The following ZBTB22 variants were observed in gnomAD, a reference collection of about 807,000 sequenced individuals.
ZBTB22 encodes the protein zinc finger and BTB domain containing 22.
For missense variants in ZBTB22, 668 were observed against 834.1 expected (o/e 0.80, Z 2.45); for synonymous variants, 356 against 347.3 (o/e 1.03, Z -0.28).
At position 33,315,151 on chromosome 6, in the gene ZBTB22, T is replaced by C; in HGVS notation, c.1766A>G (p.Lys589Arg). The change falls in exon 2 of 2, where the codon AAG (lysine) becomes AGG (arginine). Residue 589 changes from lysine to arginine, a missense_variant. Coordinates refer to ENST00000431845, the MANE Select transcript of ZBTB22 (RefSeq NM_005453.5). The surrounding 1 kb of genome is among the most constrained non-coding windows in gnomAD (Gnocchi z 5.4). Reference protein sequence around the residue: ...GTPTGPSLPSKRESPGVGGGS... With the variant: ...GTPTGPSLPSRRESPGVGGGS... Reference sequence around the variant, plus strand: ...CCCGCCCACTCCGGGAGACTCTCTCTTGGACGGCAAGGATGGCCCCGTGGG... The same window carrying C: ...CCCGCCCACTCCGGGAGACTCTCTCCTGGACGGCAAGGATGGCCCCGTGGG... 2 of 1,613,358 alleles carry C rather than the reference T, an allele frequency of 1.2e-6. No individual in the cohort carries two copies. The highest frequency in any genetic ancestry group is 1.7e-6 in the Non-Finnish European group (2 of 1,179,522).
Position 33,315,411 on chromosome 6 carries a change from C to T in ZBTB22, c.1506G>A (p.Arg502=), listed in dbSNP as rs774041632. ...KAFSHKSMRD[R]HVNMHLNLRP... The stretch of plus-strand genomic sequence containing the variant: ...GCAGATTGAGGTGCATGTTCACGTG[C>T]CGGTCCCGCATGCTCTTGTGGGAGA... Residue 502 remains arginine (R), a synonymous_variant, in exon 2 of 2, where the codon CGG becomes CGA. Coordinates refer to ENST00000431845, the MANE Select transcript of ZBTB22 (RefSeq NM_005453.5). The surrounding 1 kb of genome is among the most constrained non-coding windows in gnomAD (Gnocchi z 5.4). 1.2e-6 allele frequency: 2 copies of T among 1,614,158 alleles called. No homozygotes were observed. The highest frequency in any genetic ancestry group is 2.2e-5 in the South Asian group (2 of 91,086).
At position 33,315,225 on chromosome 6, in the gene ZBTB22, C is replaced by T. The variant is rs759942719; in HGVS notation, c.1692G>A (p.Glu564=). The T allele has an allele frequency of 1.2e-6, 2 of 1,613,244 alleles. No homozygotes were observed. Among genetic ancestry groups the T allele is most frequent in the African/African-American group, 2.7e-5 (2 of 75,062 alleles). ...CGACCCCGCCCAGGCGGTGCCGGCG[C>T]TCACAGTGTCCTCGGTGGCGCATGA... The part of the protein sequence containing the change: ...DSFMRHRGHC[E]RRHRLGGVGA... Residue 564 remains glutamate (E), a synonymous_variant, in exon 2 of 2, where the codon GAG becomes GAA. Transcript: ENST00000431845. The surrounding 1 kb of genome is among the most constrained non-coding windows in gnomAD (Gnocchi z 5.4).
Position 33,315,047 on chromosome 6 carries a change from C to T in ZBTB22, c.1870G>A (p.Glu624Lys), listed in dbSNP as rs142582527. 2.8e-4 allele frequency: 441 copies of T among 1,573,562 alleles called. 3 individuals are homozygous for T. In the East Asian group the frequency reaches 9.4e-3, roughly 34 times the overall value. The change falls in exon 2 of 2, where the codon GAG (glutamate) becomes AAG (lysine). Residue 624 changes from glutamate to lysine, a missense_variant. Physicochemically the swap from Glu to Lys is moderately conservative, Grantham distance 56 (BLOSUM62 1). Transcript: ENST00000431845. The surrounding 1 kb of genome is among the most constrained non-coding windows in gnomAD (Gnocchi z 5.4). ...CCTCCACCTCCACCGAAGCCCATCT[C>T]CACCTTGTGGACTCTGGGTGGGGAC... ...VWSPPRVHKVEMGFGGGGGAN is the reference protein window; with the variant it reads ...VWSPPRVHKVKMGFGGGGGAN
chr6:33,315,077 C>T lies in ZBTB22; in HGVS notation c.1840G>A (p.Val614Ile). ...TTGTGGACTCTGGGTGGGGACCAGA[C>T]ACGTCTGCTGGACGGGGGCGTGGCC... ...SAATPPSSRR[V>I]WSPPRVHKVE... is the part of the protein sequence containing the mutation. Residue 614 changes from valine to isoleucine, a missense_variant, in exon 2 of 2, where the codon GTC (valine) becomes ATC (isoleucine). Val to Ile is a conservative substitution (Grantham distance 29). Transcript: ENST00000431845. This position sits in a 1 kb window ranked among gnomAD's most constrained non-coding sequence, Gnocchi z 5.4. 2.5e-6 allele frequency: 4 copies of T among 1,603,654 alleles called. No individual in the cohort carries two copies. The highest frequency in any genetic ancestry group is 3.4e-6 in the Non-Finnish European group (4 of 1,173,394).
In ZBTB22 at chr6:33,314,855, G is replaced by A. The variant is rs955022875; in HGVS notation, c.*157C>T. On this transcript the variant is annotated 3_prime_UTR_variant, in exon 2 of 2. Transcript: ENST00000431845. Reference sequence around the variant, plus strand: ...TTGAGTAGTAGAATGGGCGGGCGATGGTGAAACTGTGGTTCCCCTTCCAGA... The same window carrying A: ...TTGAGTAGTAGAATGGGCGGGCGATAGTGAAACTGTGGTTCCCCTTCCAGA... 24 of 1,370,132 alleles carry A rather than the reference G, an allele frequency of 1.8e-5. No homozygotes were observed. In the African/African-American group the frequency reaches 3.5e-4, roughly 20 times the overall value. 84.9% of individuals were successfully genotyped at this position (1,370,132 alleles called of 1,614,324 possible). A position where few individuals can be genotyped will look rare whatever the true frequency, so the allele number is the denominator to read the frequency against.
Position 33,316,104 on chromosome 6 carries a change from C to T in ZBTB22, c.813G>A (p.Gly271=). ...ADELCDDGGD[G]RGAVVPGAGL... ...CAGCCCCAGGAACCACTGCCCCCCT[C>T]CCATCCCCACCATCATCGCACAGCT... The change falls in exon 2 of 2, where the codon GGG becomes GGA. Residue 271 remains glycine (G), a synonymous_variant. Coordinates refer to ENST00000431845, the MANE Select transcript of ZBTB22 (RefSeq NM_005453.5). This position sits in a 1 kb window ranked among gnomAD's most constrained non-coding sequence, Gnocchi z 7.2. 1.2e-6 allele frequency: 2 copies of T among 1,613,430 alleles called. No individual in the cohort carries two copies. The highest frequency in any genetic ancestry group is 2.2e-5 in the South Asian group (2 of 91,080).
chr6:33,315,869 C>T lies in ZBTB22; in HGVS notation c.1048G>A (p.Gly350Arg). ...ATGCTGAGGGTAGCCTCAGGCCCTC[C>T]CCCCACTGGAACCCTGGAGCTACCC... ...LGGSSRVPVGGGPEATLSISD... is the reference protein window; with the variant it reads ...LGGSSRVPVGRGPEATLSISD... Residue 350 changes from glycine to arginine, a missense_variant, in exon 2 of 2, where the codon GGA becomes AGA. By Grantham distance (125) the Gly-to-Arg change is moderately radical. Coordinates refer to ENST00000431845, the MANE Select transcript of ZBTB22 (RefSeq NM_005453.5). The surrounding 1 kb of genome is among the most constrained non-coding windows in gnomAD (Gnocchi z 5.4). 1 of 1,613,796 alleles carries T rather than the reference C, an allele frequency of 6.2e-7. No individual in the cohort carries two copies. The highest frequency in any genetic ancestry group is 1.3e-5 in the African/African-American group (1 of 74,962).
At position 33,316,053 on chromosome 6, in the gene ZBTB22, G is replaced by A. The variant is rs143727228; in HGVS notation, c.864C>T (p.Pro288=). The A allele has an allele frequency of 7.4e-6, 12 of 1,613,716 alleles. No individual in the cohort carries two copies. The highest frequency in any genetic ancestry group is 1.0e-5 in the Non-Finnish European group (12 of 1,179,962). ...GAGLRRPTYT[P]PSIMPQKHWV... is the part of the protein sequence containing the mutation. ...AGTGTTTCTGTGGCATGATGCTAGG[G>A]GGTGTGTAGGTGGGTCTCCGGAGCC... Residue 288 remains proline (P), a synonymous_variant, in exon 2 of 2, where the codon CCC becomes CCT. Transcript: ENST00000431845. This position sits in a 1 kb window ranked among gnomAD's most constrained non-coding sequence, Gnocchi z 7.2.
chr6:33,316,108 T>A lies in ZBTB22; in HGVS notation c.809A>T (p.Asp270Val), dbSNP rs1392776653. The change falls in exon 2 of 2, where the codon GAT becomes GTT. Residue 270 changes from aspartate to valine, a missense_variant. Physicochemically the swap from Asp to Val is radical, Grantham distance 152. Coordinates refer to ENST00000431845, the MANE Select transcript of ZBTB22 (RefSeq NM_005453.5). The surrounding 1 kb of genome is among the most constrained non-coding windows in gnomAD (Gnocchi z 7.2). ...CCCAGGAACCACTGCCCCCCTCCCA[T>A]CCCCACCATCATCGCACAGCTCATC... is the stretch of plus-strand genomic sequence containing the variant. ...EADELCDDGG[D>V]GRGAVVPGAG... is the part of the protein sequence containing the mutation. 6.2e-7 allele frequency: 1 copy of A among 1,613,270 alleles called. No individual in the cohort carries two copies.
Position 33,315,382 on chromosome 6 carries a change from G to C in ZBTB22, c.1535C>G (p.Pro512Arg). The change falls in exon 2 of 2, where the codon CCG (proline) becomes CGG (arginine). Residue 512 changes from proline (P) to arginine (R), a missense_variant. Physicochemically the swap from Pro to Arg is moderately radical, Grantham distance 103 (BLOSUM62 -2). Coordinates refer to ENST00000431845, the MANE Select transcript of ZBTB22 (RefSeq NM_005453.5). The surrounding 1 kb of genome is among the most constrained non-coding windows in gnomAD (Gnocchi z 5.4). ...RHVNMHLNLRPFDCPVCNKKF... is the reference protein window; with the variant it reads ...RHVNMHLNLRRFDCPVCNKKF... ...TTTGTTGCACACGGGGCAGTCAAACGGCCGCAGATTGAGGTGCATGTTCAC... is the reference window on the plus strand; with the variant it reads ...TTTGTTGCACACGGGGCAGTCAAACCGCCGCAGATTGAGGTGCATGTTCAC... 1 of 1,614,202 alleles carries C rather than the reference G, an allele frequency of 6.2e-7. No individual in the cohort carries two copies. The highest frequency in any genetic ancestry group is 8.5e-7 in the Non-Finnish European group (1 of 1,180,034).
chr6:33,316,670 G>C lies in ZBTB22; in HGVS notation c.247C>G (p.His83Asp). 6.2e-7 allele frequency: 1 copy of C among 1,614,200 alleles called. No homozygotes were observed. The highest frequency in any genetic ancestry group is 8.5e-7 in the Non-Finnish European group (1 of 1,180,030). ...AVLAASSPYF[H>D]DQVLLKGMTS... ...ATGCCTTTGAGTAGGACCTGATCAT[G>C]GAAGTAAGGGGAGGAGGCAGCCAGG... Residue 83 changes from histidine (H) to aspartate (D), a missense_variant, in exon 2 of 2, where the codon CAT (histidine) becomes GAT (aspartate). His to Asp is a moderately conservative substitution (Grantham distance 81, BLOSUM62 -1). Coordinates refer to ENST00000431845, the MANE Select transcript of ZBTB22 (RefSeq NM_005453.5). The surrounding 1 kb of genome is among the most constrained non-coding windows in gnomAD (Gnocchi z 7.2).
In ZBTB22 at chr6:33,316,211, G is replaced by A; in HGVS notation, c.706C>T (p.Arg236Ter). Reference protein sequence around the residue: ...AASAVGSGERRGGGPVFPAPV... With the variant: ...AASAVGSGER ...GCTGGGAATACAGGGCCACCTCCTC[G>A]ACGCTCCCCACTGCCCACTGCAGAA... Residue 236 changes from arginine (R) to a stop codon, truncating the protein, a stop_gained, in exon 2 of 2, where the codon CGA (arginine) becomes TGA (stop). Transcript: ENST00000431845. LOFTEE classifies it low-confidence loss of function (END_TRUNC). This position sits in a 1 kb window ranked among gnomAD's most constrained non-coding sequence, Gnocchi z 7.2. 1 of 1,614,068 alleles carries A rather than the reference G, an allele frequency of 6.2e-7. No individual in the cohort carries two copies.
In ZBTB22 at chr6:33,314,832, G is replaced by C. The variant is rs962636568; in HGVS notation, c.*180C>G. 1.6e-6 allele frequency: 2 copies of C among 1,234,054 alleles called. No individual in the cohort carries two copies. Among genetic ancestry groups the C allele is most frequent in the Non-Finnish European group, 1.1e-6 (1 of 927,844 alleles). The allele number at this position is 1,234,054 out of a possible 1,614,324, so 76.4% of individuals were successfully genotyped here. A position where few individuals can be genotyped will look rare whatever the true frequency, so the allele number is the denominator to read the frequency against. ...GGAAATACCTTGGGGGGGAGGGGTTGAGTAGTAGAATGGGCGGGCGATGGT... is the reference window on the plus strand; with the variant it reads ...GGAAATACCTTGGGGGGGAGGGGTTCAGTAGTAGAATGGGCGGGCGATGGT... On this transcript the variant is annotated 3_prime_UTR_variant, in exon 2 of 2. Transcript: ENST00000431845.
chr6:33,317,839 C>G (rs1477217260), upstream of ZBTB22: 1 of 151,606 alleles, frequency 6.6e-6, no homozygotes, highest in Non-Finnish European at 1.5e-5. Context: ...TCGGCCGACT[C>G]GGCCACTTTG....
At position 33,316,476 on chromosome 6, in the gene ZBTB22, GAGT is replaced by G. The variant is rs775567504; in HGVS notation, c.438_440del (p.Leu147del). 6.2e-7 allele frequency: 1 copy of G among 1,614,206 alleles called. No individual in the cohort carries two copies. The highest frequency in any genetic ancestry group is 8.5e-7 in the Non-Finnish European group (1 of 1,180,028). ...TGGTAGCTGAGGCCCGGCCTTCTCG[GAGT>G]AGTTCAGTGCACTTGTCCACAATGT... On this transcript the variant is annotated inframe_deletion, in exon 2 of 2. Transcript: ENST00000431845. The surrounding 1 kb of genome is among the most constrained non-coding windows in gnomAD (Gnocchi z 7.2).
rs1190356092 is a variant in ZBTB22, at chr6:33,316,864, G to C, written c.53C>G (p.Ser18Trp). The change falls in exon 2 of 2, where the codon TCG (serine) becomes TGG (tryptophan). Residue 18 changes from serine to tryptophan, a missense_variant. Transcript: ENST00000431845. The surrounding 1 kb of genome is among the most constrained non-coding windows in gnomAD (Gnocchi z 7.2). Reference sequence around the variant, plus strand: ...CAGGGGTAGTGGGGGCGGAGCCAGCGACAGCGGCAGGGGAAGTGCTGCCCC... The same window carrying C: ...CAGGGGTAGTGGGGGCGGAGCCAGCCACAGCGGCAGGGGAAGTGCTGCCCC... Reference protein sequence around the residue: ...PSGAALPLPLSLAPPPLPLPA... With the variant: ...PSGAALPLPLWLAPPPLPLPA... 1.9e-6 allele frequency: 3 copies of C among 1,613,170 alleles called. No homozygotes were observed. The highest frequency in any genetic ancestry group is 3.3e-5 in the Admixed American group (2 of 59,966).
Position 33,315,676 on chromosome 6 carries a change from C to A in ZBTB22, c.1241G>T (p.Arg414Leu), listed in dbSNP as rs752439593. ...PSSYAPSHPP[R>L]PLLPLDMQGN... ...CTGCATGTCCAAGGGAAGGAGCGGT[C>A]GAGGAGGGTGGGAGGGGGCATAGGA... The change falls in exon 2 of 2, where the codon CGA (arginine) becomes CTA (leucine). Residue 414 changes from arginine (R) to leucine (L), a missense_variant. Transcript: ENST00000431845. The surrounding 1 kb of genome is among the most constrained non-coding windows in gnomAD (Gnocchi z 5.4). 2 of 1,613,680 alleles carry A rather than the reference C, an allele frequency of 1.2e-6. No homozygotes were observed. The highest frequency in any genetic ancestry group is 1.3e-5 in the African/African-American group (1 of 74,914).
In ZBTB22 at chr6:33,315,205, C is replaced by T. The variant is rs1054742741; in HGVS notation, c.1712G>A (p.Gly571Glu). The T allele has an allele frequency of 6.2e-7, 1 of 1,612,592 alleles. No individual in the cohort carries two copies. Residue 571 changes from glycine (G) to glutamate (E), a missense_variant, in exon 2 of 2, where the codon GGG (glycine) becomes GAG (glutamate). Coordinates refer to ENST00000431845, the MANE Select transcript of ZBTB22 (RefSeq NM_005453.5). This position sits in a 1 kb window ranked among gnomAD's most constrained non-coding sequence, Gnocchi z 5.4. The stretch of plus-strand genomic sequence containing the variant: ...CCCAGGCCCAGGTACGGCCCCGACC[C>T]CGCCCAGGCGGTGCCGGCGCTCACA... ...GHCERRHRLG[G>E]VGAVPGPGTP...
Position 33,315,244 on chromosome 6 carries a change from C to T in ZBTB22, c.1673G>A (p.Arg558His), listed in dbSNP as rs997065545. 2.5e-6 allele frequency: 4 copies of T among 1,613,430 alleles called. No individual in the cohort carries two copies. In the South Asian group the frequency reaches 3.3e-5, roughly 13 times the overall value. The change falls in exon 2 of 2, where the codon CGC (arginine) becomes CAC (histidine). Residue 558 changes from arginine (R) to histidine (H), a missense_variant. Transcript: ENST00000431845. This position sits in a 1 kb window ranked among gnomAD's most constrained non-coding sequence, Gnocchi z 5.4. Reference sequence around the variant, plus strand: ...CCGGCGCTCACAGTGTCCTCGGTGGCGCATGAAGCTGTCTCGCCACATGAA... The same window carrying T: ...CCGGCGCTCACAGTGTCCTCGGTGGTGCATGAAGCTGTCTCGCCACATGAA... ...KKFMWRDSFM[R>H]HRGHCERRHR... is the part of the protein sequence containing the mutation.
Sources: gnomAD v4.1 joint callset for allele counts on GRCh38, gnomAD v4.1.1 for gene constraint, Gnocchi (gnomAD v3.1) non-coding constraint, MANE v1.5 for transcripts, NCBI Gene and HGNC (gene_info 2026-07-23, HGNC 2026-07-21) for gene names.